NUP210L: variants seen among roughly 807,000 people sequenced by gnomAD.
NUP210L encodes nucleoporin 210 like.
A neutral mutation model predicts 208.5 loss-of-function variants in NUP210L; 74 were observed. The observed-to-expected ratio is 0.35, with a 90% CI of 0.29 to 0.43. The LOEUF (loss-of-function observed/expected upper bound fraction) is 0.43, where lower values mean the gene tolerates loss of function less well. Among genes scored for constraint, NUP210L ranks in the 20% least tolerant of loss-of-function variants. The pLI, the probability that NUP210L is intolerant of heterozygous loss-of-function variation, is 1.00. For synonymous variants in NUP210L, 780 were observed against 816.9 expected (o/e 0.95, Z 0.77); for missense variants, 1,843 against 2,289.4 (o/e 0.81, Z 3.98).
chr1:154,095,615 G>A (rs113064810), intron 14 of NUP210L, among the ~76,000 whole-genome samples: 116 of 152,278 alleles, frequency 7.6e-4, no homozygotes, highest in African/African-American at 2.2e-3. Flanking sequence ...TTAGTACAAT[G>A]TTGTGTGCAG....
chr1:154,022,406 G>A, intron 31 of NUP210L, 63 bp from the exon 32 acceptor site: 2 of 1,312,452 alleles, frequency 1.5e-6, no homozygotes, highest in Non-Finnish European at 1.1e-6. Context: ...AATAGTTCTG[G>A]AGAACACCCT....
At chr1:154,135,892 C>G in exon 7 of NUP210L, 1 of 1,610,818 alleles carries the variant, frequency 6.2e-7, no homozygotes, top group Non-Finnish European at 8.5e-7. Context: ...AGTATAGCCA[C>G]TTTCTCAGAA....
exon 23 of NUP210L, chr1:154,056,865 C>T: frequency 6.2e-7 from 1 of 1,604,374 alleles, no homozygotes; most frequent in Non-Finnish European, 8.5e-7. Flanking sequence ...TTGTCCTTGG[C>T]AATAGCCACA....
intron 16 of NUP210L, among the ~76,000 whole-genome samples, chr1:154,073,814 CAATA>C (rs3073948): frequency 0.4 from 52,553 of 130,622 alleles, 10,801 homozygotes; most frequent in East Asian, 0.62. Context: ...GACTCTGTCT[CAATA>C]AATAAATAAA....
intron 28 of NUP210L, among the ~76,000 whole-genome samples, chr1:154,028,642 GGTGGA>G (rs1371197184): frequency 6.6e-6 from 1 of 152,090 alleles, no homozygotes; most frequent in Non-Finnish European, 1.5e-5. Context: ...ATCTATGTCA[GGTGGA>G]GTGGATCAGA....
intron 2 of NUP210L, among the ~76,000 whole-genome samples, chr1:154,148,711 T>C (rs1659234061): frequency 6.6e-6 from 1 of 152,172 alleles, no homozygotes; most frequent in African/African-American, 2.4e-5. Context: ...AGCCTTCTAC[T>C]TGATTAACAT....
At chr1:154,054,695 G>C in intron 24 of NUP210L, 75 bp downstream of exon 24, 2 of 1,043,364 alleles carry the variant, frequency 1.9e-6, no homozygotes, top group Non-Finnish European at 3.0e-6. Flanking sequence ...AATAGGAAGA[G>C]AGGTGTGTGT....
chr1:154,110,210 G>A lies in NUP210L; in HGVS notation c.1621-6000C>T, dbSNP rs182296626. On this transcript the variant is annotated intron_variant, in intron 12 of 39. Transcript: ENST00000368559. ...AGATCACGCCACTGCACTCCAGCCT[G>A]GGAAACAAGAGCAAAACTCTGTCTC... Among the ~76,000 whole-genome samples the A allele has an allele frequency of 6.0e-5, 9 of 149,596 alleles. 1 individual carries two copies. Among genetic ancestry groups the A allele is most frequent in the Admixed American group, 2.0e-4 (3 of 15,082 alleles).
chr1:153,996,511 T>A (rs1296878780), intron 37 of NUP210L, among the ~76,000 whole-genome samples: 1 of 151,596 alleles, frequency 6.6e-6, no homozygotes, highest in Non-Finnish European at 1.5e-5. Flanking sequence ...AACCTCCGCC[T>A]CCTGGGTTCA....
At chr1:154,000,714 C>G in intron 37 of NUP210L, 142 bp downstream of exon 37, 1 of 692,960 alleles carries the variant, frequency 1.4e-6, no homozygotes. Context: ...CTGTTTATTT[C>G]AGGAGTTTTT....
At chr1:154,070,613 T>G (rs1349589917) in intron 16 of NUP210L, 148 bp from the exon 17 acceptor site, 5 of 527,280 alleles carry the variant, frequency 9.5e-6, no homozygotes, top group Non-Finnish European at 1.6e-5. Flanking sequence ...AAGAACAATA[T>G]AATAAATACC....
chr1:154,103,953 A>T, intron 13 of NUP210L, 59 bp downstream of exon 13: 1 of 1,299,354 alleles, frequency 7.7e-7, no homozygotes, highest in Non-Finnish European at 1.1e-6. Context: ...TCACAGTGGT[A>T]GAGTTAAAGA....
intron 12 of NUP210L, 73 bp from the exon 13 acceptor site, chr1:154,104,283 G>A (rs552276944): frequency 2.5e-6 from 3 of 1,195,586 alleles, no homozygotes; most frequent in East Asian, 2.3e-5. Context: ...AAGCAAGATG[G>A]CCAAATAGAA....
At chr1:154,074,017 GT>G (rs58739231) in intron 16 of NUP210L, among the ~76,000 whole-genome samples, 30 of 144,556 alleles carry the variant, frequency 2.1e-4, no homozygotes, top group South Asian at 4.4e-4. Context: ...GTCCCCCTAA[GT>G]TTTTTTTTTT....
chr1:154,130,003 T>A (rs191519958), intron 7 of NUP210L, among the ~76,000 whole-genome samples: 1 of 152,234 alleles, frequency 6.6e-6, no homozygotes, highest in Non-Finnish European at 1.5e-5. Context: ...CTCAAAAATA[T>A]ACTACATCCA....
intron 16 of NUP210L, among the ~76,000 whole-genome samples, chr1:154,071,554 T>C (rs988703146): frequency 1.3e-5 from 2 of 151,690 alleles, no homozygotes; most frequent in African/African-American, 4.8e-5. Flanking sequence ...TGGTTTTCCA[T>C]TCCTGAGCTA....
intron 15 of NUP210L, among the ~76,000 whole-genome samples, chr1:154,094,394 G>A (rs111357219): frequency 0.26 from 39,578 of 152,004 alleles, 5,596 homozygotes; most frequent in Admixed American, 0.37. Context: ...GGAGGCAGAG[G>A]GTGCAGTGAG....
At chr1:154,025,449 A>G in intron 30 of NUP210L, 93 bp downstream of exon 30, 4 of 860,832 alleles carry the variant, frequency 4.6e-6, no homozygotes, top group Non-Finnish European at 4.9e-6. Context: ...CATGATAAGA[A>G]AATTTCTAGT....
At chr1:154,022,065 A>G in intron 32 of NUP210L, 61 bp downstream of exon 32, 2 of 1,384,442 alleles carry the variant, frequency 1.4e-6, no homozygotes. Flanking sequence ...TTTTTTTAAT[A>G]ACTGCTTTTT....
Sources: allele counts gnomAD v4.1 joint callset (sites outside exome capture counted in the v4.1 genomes callset), GRCh38; gene constraint gnomAD v4.1.1; transcripts MANE v1.5; gene names NCBI Gene and HGNC (gene_info 2026-07-23, HGNC 2026-07-21).